The following MPIG6B variants were observed in gnomAD, a reference collection of about 807,000 sequenced individuals.
The protein encoded by MPIG6B is megakaryocyte and platelet inhibitory receptor G6b.
Under a neutral mutation model 24.2 loss-of-function variants are expected in MPIG6B, and 22 were observed. The ratio of observed to expected loss-of-function variants is 0.91; its 90% CI spans 0.65 to 1.30. The LOEUF is 1.30. MPIG6B is among the 50% of genes most tolerant of loss of function. MPIG6B has a pLI of 0.00. For synonymous variants in MPIG6B, 136 were observed against 142.0 expected (o/e 0.96, Z 0.30); for missense variants, 301 against 318.5 (o/e 0.94, Z 0.42).
upstream of MPIG6B, chr6:31,721,709 C>T (rs1248136479): frequency 1.9e-6 from 3 of 1,612,166 alleles, no homozygotes; most frequent in Non-Finnish European, 2.5e-6. Flanking sequence ...GTGGCAACCA[C>T]AGCAGCTGAT....
chr6:31,725,501 G>T lies in MPIG6B; in HGVS notation c.*427G>T. On this transcript the variant is annotated 3_prime_UTR_variant, in exon 6 of 6. Transcript: ENST00000649779. The surrounding 1 kb of genome is among the most constrained non-coding windows in gnomAD (Gnocchi z 5.2). The stretch of plus-strand genomic sequence containing the variant: ...CGCCACCACGCCCAGCTAATTTTTT[G>T]TATTTTTAGTAGAGACGGGGTTTCA... 1 of 168,220 alleles carries T rather than the reference G, an allele frequency of 5.9e-6. No individual in the cohort carries two copies. Among genetic ancestry groups the T allele is most frequent in the Non-Finnish European group, 1.3e-5 (1 of 78,526 alleles). The allele number at this position is 168,220 out of a possible 1,614,324, so 10.4% of individuals were successfully genotyped here.
Position 31,725,057 on chromosome 6 carries a change from T to C in MPIG6B, c.709T>C (p.Tyr237His). Residue 237 changes from tyrosine to histidine, a missense_variant, in exon 6 of 6, where the codon TAT (tyrosine) becomes CAT (histidine). Coordinates refer to ENST00000649779, the MANE Select transcript of MPIG6B (RefSeq NM_138272.3). This position sits in a 1 kb window ranked among gnomAD's most constrained non-coding sequence, Gnocchi z 5.2. ...GGACCCTGCTGATGCCTCCACCATC[T>C]ATGCAGTTGTAGTTTGAAGGGAAGC... is the stretch of plus-strand genomic sequence containing the variant. ...TADPADASTIYAVVV is the reference protein window; with the variant it reads ...TADPADASTIHAVVV The C allele has an allele frequency of 6.2e-7, 1 of 1,612,842 alleles. No homozygotes were observed. The highest frequency in any genetic ancestry group is 8.5e-7 in the Non-Finnish European group (1 of 1,179,598).
chr6:31,723,059 T>A, upstream of MPIG6B: 7 of 447,368 alleles, frequency 1.6e-5, no homozygotes, highest in Non-Finnish European at 2.1e-5. This position sits in a 1 kb window ranked among gnomAD's most constrained non-coding sequence, Gnocchi z 4.3. Context: ...CACAGTTCAC[T>A]GCAACCTCGA....
At position 31,725,238 on chromosome 6, in the gene MPIG6B, G is replaced by C. The variant is rs1482359404; in HGVS notation, c.*164G>C. 2 of 607,406 alleles carry C rather than the reference G, an allele frequency of 3.3e-6. No individual in the cohort carries two copies. The highest frequency in any genetic ancestry group is 3.7e-5 in the African/African-American group (2 of 53,818). The allele number at this position is 607,406 out of a possible 1,614,324, so 37.6% of individuals were successfully genotyped here. The stretch of plus-strand genomic sequence containing the variant: ...GGGTTCCAGGCTGTCTCTGCCACTG[G>C]TCTTACTTCTAAACTTACTCCCATC... On this transcript the variant is annotated 3_prime_UTR_variant, in exon 6 of 6. Transcript: ENST00000649779. The surrounding 1 kb of genome is among the most constrained non-coding windows in gnomAD (Gnocchi z 5.2).
Position 31,723,707 on chromosome 6 carries a change from TGGGTCTGGGCACCCAGCTTCCCG to T in MPIG6B, c.132_154del (p.Trp44CysfsTer128), listed in dbSNP as rs1807024707. On this transcript the variant is annotated frameshift_variant, in exon 2 of 6. Transcript: ENST00000649779. LOFTEE classifies it high-confidence loss of function. This position sits in a 1 kb window ranked among gnomAD's most constrained non-coding sequence, Gnocchi z 4.3. The stretch of plus-strand genomic sequence containing the variant: ...CGGAGGAGTCTCTCATCCCATCCGC[TGGGTCTGGGCACCCAGCTTCCCG>T]GCCTGCAAGGGCCTGTCCAAAGGAC... 3 of 1,611,286 alleles carry T rather than the reference TGGGTCTGGGCACCCAGCTTCCCG, an allele frequency of 1.9e-6. No homozygotes were observed. Among genetic ancestry groups the T allele is most frequent in the African/African-American group, 1.3e-5 (1 of 74,876 alleles).
rs1807063004 is a variant in MPIG6B, at chr6:31,723,862, G to A, written c.285G>A (p.Glu95=). 6.2e-7 allele frequency: 1 copy of A among 1,611,912 alleles called. No homozygotes were observed. Among genetic ancestry groups the A allele is most frequent in the Non-Finnish European group, 8.5e-7 (1 of 1,179,054 alleles). ...TGGACTCTGGTATCCGGCGGCTGGA[G>A]CTCCTCTTGAGCGCGGGGGACTCGG... The part of the protein sequence containing the change: ...RSLDSGIRRL[E]LLLSAGDSGT... Residue 95 remains glutamate (E), a synonymous_variant, in exon 2 of 6, where the codon GAG becomes GAA. Coordinates refer to ENST00000649779, the MANE Select transcript of MPIG6B (RefSeq NM_138272.3). The surrounding 1 kb of genome is among the most constrained non-coding windows in gnomAD (Gnocchi z 4.3).
rs888402574 is a variant in MPIG6B at position 31,726,406 on chromosome 6, T to C, written c.*1332T>C. The C allele has an allele frequency of 6.6e-6, 1 of 152,212 alleles. No individual in the cohort carries two copies. The highest frequency in any genetic ancestry group is 2.4e-5 in the African/African-American group (1 of 41,438). 9.4% of individuals were successfully genotyped at this position (152,212 alleles called of 1,614,324 possible). A position where few individuals can be genotyped will look rare whatever the true frequency, so the allele number is the denominator to read the frequency against. ...CCCAAAATGTCTTTGCCCAGTGCAATTCCTTCTTCCTGTATTACCCCTTTC... is the reference window on the plus strand; with the variant it reads ...CCCAAAATGTCTTTGCCCAGTGCAACTCCTTCTTCCTGTATTACCCCTTTC... On this transcript the variant is annotated 3_prime_UTR_variant, in exon 6 of 6. Coordinates refer to ENST00000649779, the MANE Select transcript of MPIG6B (RefSeq NM_138272.3). The surrounding 1 kb of genome is among the most constrained non-coding windows in gnomAD (Gnocchi z 5.1).
At chr6:31,724,031 T>C (rs1379400336) in intron 2 of MPIG6B, 45 bp downstream of exon 2, 17 of 1,559,660 alleles carry the variant, frequency 1.1e-5, no homozygotes, top group African/African-American at 4.1e-5. Context: ...CTCCGACACA[T>C]ACCCGGAGGA....
In MPIG6B at chr6:31,724,396, A is replaced by G. The variant is rs947685569; in HGVS notation, c.500+164A>G. On this transcript the variant is annotated intron_variant, in intron 3 of 5. Transcript: ENST00000649779. ...GGAGCGAGGCCGCTGACTGGTGAGT[A>G]GAGCCCCACCAGAGCAGATGAGCTG... The G allele has an allele frequency of 8.0e-5, 60 of 746,708 alleles. 1 individual carries two copies. In the African/African-American group the frequency reaches 9.3e-4, roughly 12 times the overall value. The allele number at this position is 746,708 out of a possible 1,614,324, so 46.3% of individuals were successfully genotyped here. A position where few individuals can be genotyped will look rare whatever the true frequency, so the allele number is the denominator to read the frequency against.
chr6:31,724,900 A>G lies in MPIG6B; in HGVS notation c.621+56A>G, dbSNP rs373434349. ...CAGAATCTCTGAGGAAAATGGACCAAAAAAAAAAAGGCCTGAACCCCAAGG... is the reference window on the plus strand; with the variant it reads ...CAGAATCTCTGAGGAAAATGGACCAGAAAAAAAAAGGCCTGAACCCCAAGG... On this transcript the variant is annotated intron_variant, in intron 5 of 5. Coordinates refer to ENST00000649779, the MANE Select transcript of MPIG6B (RefSeq NM_138272.3). 1.7e-5 allele frequency: 25 copies of G among 1,486,668 alleles called. No homozygotes were observed. In the African/African-American group the frequency reaches 3.4e-4, roughly 20 times the overall value. The allele number at this position is 1,486,668 out of a possible 1,614,324, so 92.1% of individuals were successfully genotyped here. A position where few individuals can be genotyped will look rare whatever the true frequency, so the allele number is the denominator to read the frequency against.
upstream of MPIG6B, chr6:31,723,296 C>G: frequency 2.5e-6 from 2 of 784,930 alleles, no homozygotes; most frequent in Non-Finnish European, 2.1e-6. The surrounding 1 kb of genome is among the most constrained non-coding windows in gnomAD (Gnocchi z 4.3). Flanking sequence ...CCCCTCCGTT[C>G]TCCCCACGCC....
chr6:31,723,754 AC>A lies in MPIG6B; in HGVS notation c.178del (p.Arg60AlafsTer39), dbSNP rs1381214914. On this transcript the variant is annotated frameshift_variant, in exon 2 of 6. Transcript: ENST00000649779. LOFTEE classifies it high-confidence loss of function. The surrounding 1 kb of genome is among the most constrained non-coding windows in gnomAD (Gnocchi z 4.3). ...CGGCCTGCAAGGGCCTGTCCAAAGG[AC>A]GCCGACCGATCCTGTGGGCCTCTTC... Reference protein sequence around the residue: ...FPACKGLSKGRRPILWASSSG... With the variant: ...FPACKGLSKGXRPILWASSSG... 15 of 1,613,444 alleles carry A rather than the reference AC, an allele frequency of 9.3e-6. No homozygotes were observed. Among genetic ancestry groups the A allele is most frequent in the African/African-American group, 1.3e-5 (1 of 74,926 alleles).
upstream of MPIG6B, chr6:31,720,345 C>T: frequency 1.6e-6 from 1 of 625,684 alleles, no homozygotes. This position sits in a 1 kb window ranked among gnomAD's most constrained non-coding sequence, Gnocchi z 4.9. Flanking sequence ...CTAGCAAGCA[C>T]AGAGCAGGTG....
In MPIG6B at chr6:31,723,977, C is replaced by A; in HGVS notation, c.400C>A (p.Pro134Thr). The A allele has an allele frequency of 6.4e-7, 1 of 1,552,212 alleles. No individual in the cohort carries two copies. Among genetic ancestry groups the A allele is most frequent in the Admixed American group, 1.9e-5 (1 of 53,640 alleles). Reference sequence around the variant, plus strand: ...CAGGACCTATTGCAAGGCCCCCGGGCCTACCCATGGTAGGTGCAGGCCTGT... The same window carrying A: ...CAGGACCTATTGCAAGGCCCCCGGGACTACCCATGGTAGGTGCAGGCCTGT... Reference protein sequence around the residue: ...GDRTYCKAPGPTHGSVYPQLL... With the variant: ...GDRTYCKAPGTTHGSVYPQLL... The change falls in exon 2 of 6, where the codon CCT becomes ACT. Residue 134 changes from proline (P) to threonine (T), a missense_variant. Coordinates refer to ENST00000649779, the MANE Select transcript of MPIG6B (RefSeq NM_138272.3). This position sits in a 1 kb window ranked among gnomAD's most constrained non-coding sequence, Gnocchi z 4.3.
intron 2 of MPIG6B, 70 bp from the exon 3 acceptor site, chr6:31,724,072 G>A: frequency 6.3e-7 from 1 of 1,576,262 alleles, no homozygotes; most frequent in Non-Finnish European, 8.7e-7. Context: ...GGGTTCTTGA[G>A]CGGGACTGCT....
At position 31,723,949 on chromosome 6, in the gene MPIG6B, G is replaced by C. The variant is rs749638548; in HGVS notation, c.372G>C (p.Gly124=). The C allele has an allele frequency of 1.9e-6, 3 of 1,561,584 alleles. No homozygotes were observed. Among genetic ancestry groups the C allele is most frequent in the Non-Finnish European group, 2.6e-6 (3 of 1,152,006 alleles). ...DESRTVLHVL[G]DRTYCKAPGP... is the part of the protein sequence containing the mutation. Reference sequence around the variant, plus strand: ...GCCGTACAGTGCTTCACGTGCTGGGGGACAGGACCTATTGCAAGGCCCCCG... The same window carrying C: ...GCCGTACAGTGCTTCACGTGCTGGGCGACAGGACCTATTGCAAGGCCCCCG... Residue 124 remains glycine, a synonymous_variant, in exon 2 of 6, where the codon GGG becomes GGC. Transcript: ENST00000649779. The surrounding 1 kb of genome is among the most constrained non-coding windows in gnomAD (Gnocchi z 4.3).
At position 31,724,240 on chromosome 6, in the gene MPIG6B, G is replaced by A; in HGVS notation, c.500+8G>A. On this transcript the variant is annotated splice_region_variant and intron_variant, in intron 3 of 5. Coordinates refer to ENST00000649779, the MANE Select transcript of MPIG6B (RefSeq NM_138272.3). ...GGTCTGGTGGCTGCACAGGTGAGCA[G>A]GAGGGACCCGGCCTCGTTAAATGGG... 6.2e-7 allele frequency: 1 copy of A among 1,609,102 alleles called. No individual in the cohort carries two copies. Among genetic ancestry groups the A allele is most frequent in the South Asian group, 1.1e-5 (1 of 90,590 alleles).
chr6:31,724,438 A>C, intron 3 of MPIG6B, 149 bp from the exon 4 acceptor site: 1 of 805,120 alleles, frequency 1.2e-6, no homozygotes, highest in Non-Finnish European at 2.1e-6. Flanking sequence ...CAGCAGAGTT[A>C]GAGCCTGGGC....
upstream of MPIG6B, among the ~76,000 whole-genome samples, chr6:31,720,384 G>A (rs144557138): frequency 3.2e-3 from 490 of 152,294 alleles, 3 homozygotes; most frequent in South Asian, 0.034. This position sits in a 1 kb window ranked among gnomAD's most constrained non-coding sequence, Gnocchi z 4.9. Flanking sequence ...GAAAGTGGGC[G>A]GCAGGTAAGG....
Sources: gnomAD v4.1 joint callset for allele counts (sites outside exome capture counted in the v4.1 genomes callset) on GRCh38, gnomAD v4.1.1 for gene constraint, Gnocchi (gnomAD v3.1) non-coding constraint, MANE v1.5 for transcripts, NCBI Gene and HGNC (gene_info 2026-07-23, HGNC 2026-07-21) for gene names.